The following GRIA2 variants were observed in gnomAD, a reference collection of about 807,000 sequenced individuals.
The protein encoded by GRIA2 is glutamate ionotropic receptor AMPA type subunit 2.
A neutral mutation model predicts 97.3 loss-of-function variants in GRIA2; 14 were observed. The observed-to-expected ratio is 0.14, with a 90% confidence interval of 0.10 to 0.23. The LOEUF is 0.23. Ranked by LOEUF, GRIA2 falls within the 10% of genes least tolerant of loss-of-function variation. The probability of loss-of-function intolerance (pLI) is 1.00; values close to 1 mark genes in which losing one functional copy is unlikely to be tolerated. For synonymous variants in GRIA2, 412 were observed against 387.8 expected, an observed-to-expected ratio of 1.06 and a Z score of -0.73; for missense variants, 558 against 1,069.8, an observed-to-expected ratio of 0.52 and a Z score of 6.67.
chr4:157,349,149 A>G (rs537326280), intron 12 of GRIA2, among the ~76,000 whole-genome samples: 1 of 152,278 alleles, frequency 6.6e-6, no homozygotes, highest in South Asian at 2.1e-4. Flanking sequence ...TACACTTTCC[A>G]TCTATGGCTT....
intron 12 of GRIA2, among the ~76,000 whole-genome samples, chr4:157,351,478 G>C (rs1736007911): frequency 6.6e-6 from 1 of 152,092 alleles, no homozygotes; most frequent in African/African-American, 2.4e-5. Flanking sequence ...CCATTCGTAA[G>C]GTAATGAGAA....
intron 2 of GRIA2, among the ~76,000 whole-genome samples, chr4:157,224,147 C>T (rs1192349713): frequency 2.0e-5 from 3 of 152,108 alleles, no homozygotes; most frequent in Non-Finnish European, 1.5e-5. Flanking sequence ...TCTTCATTTG[C>T]ACAGTTTTTT....
chr4:157,224,778 T>G (rs1291397364), intron 2 of GRIA2, among the ~76,000 whole-genome samples: 1 of 152,148 alleles, frequency 6.6e-6, no homozygotes, highest in South Asian at 2.1e-4. Context: ...GGGAAGTCTG[T>G]GATTCTTTCC....
At chr4:157,238,647 C>A (rs1198084488) in intron 2 of GRIA2, among the ~76,000 whole-genome samples, 1 of 152,024 alleles carries the variant, frequency 6.6e-6, no homozygotes, top group Non-Finnish European at 1.5e-5. Flanking sequence ...CTTCTTTTAT[C>A]CATTACAAAA....
chr4:157,283,421 A>T (rs954404966), intron 2 of GRIA2, among the ~76,000 whole-genome samples: 4 of 152,018 alleles, frequency 2.6e-5, no homozygotes, highest in African/African-American at 9.7e-5. Context: ...AAAGGAAATT[A>T]CCATAATTAA....
intron 4 of GRIA2, among the ~76,000 whole-genome samples, chr4:157,313,762 T>C (rs888330937): frequency 6.6e-6 from 1 of 151,886 alleles, no homozygotes; most frequent in Non-Finnish European, 1.5e-5. Context: ...TGTATACATA[T>C]GCATATATGT....
At chr4:157,341,864 A>AT (rs1380327012) in intron 12 of GRIA2, among the ~76,000 whole-genome samples, 3 of 152,116 alleles carry the variant, frequency 2.0e-5, no homozygotes, top group African/African-American at 4.8e-5. Context: ...ATTCAAACCA[A>AT]TTATGTTAAT....
At chr4:157,286,740 A>G (rs1254020634) in intron 2 of GRIA2, among the ~76,000 whole-genome samples, 5 of 151,532 alleles carry the variant, frequency 3.3e-5, no homozygotes, top group African/African-American at 1.2e-4. Context: ...AAACAAATCA[A>G]TACGATTATA....
intron 6 of GRIA2, among the ~76,000 whole-genome samples, chr4:157,326,768 A>ATT (rs1734820683): frequency 6.6e-6 from 1 of 152,210 alleles, no homozygotes; most frequent in African/African-American, 2.4e-5. Context: ...CATACTTTAG[A>ATT]ACTGTGTATG....
In GRIA2 at chr4:157,243,473, C is replaced by T. The variant is rs994486279; in HGVS notation, c.229+21666C>T. ...AGGGGAAATGAACACGCTTATTCTCCCCAATTCAAATTCATGGTGGCACAG... is the reference window on the plus strand; with the variant it reads ...AGGGGAAATGAACACGCTTATTCTCTCCAATTCAAATTCATGGTGGCACAG... On this transcript the variant is annotated intron_variant, in intron 2 of 15. Coordinates refer to ENST00000264426, the MANE Select transcript of GRIA2 (RefSeq NM_001083619.3). 3.9e-4 allele frequency among the ~76,000 whole-genome samples: 59 copies of T among 152,114 alleles called. 1 individual carries two copies. The highest frequency in any genetic ancestry group is 1.3e-3 in the African/African-American group (53 of 41,514).
chr4:157,350,703 G>A (rs1417950017), intron 12 of GRIA2, among the ~76,000 whole-genome samples: 1 of 151,890 alleles, frequency 6.6e-6, no homozygotes, highest in Non-Finnish European at 1.5e-5. Context: ...TTTGAAATTA[G>A]AATTCTGTTA....
chr4:157,306,350 T>A (rs1271865780), intron 3 of GRIA2, among the ~76,000 whole-genome samples: 1 of 152,170 alleles, frequency 6.6e-6, no homozygotes. Context: ...ACTTACGTAC[T>A]TGTGAAAAAA....
intron 6 of GRIA2, among the ~76,000 whole-genome samples, chr4:157,325,605 T>C (rs1734768795): frequency 6.6e-6 from 1 of 152,212 alleles, no homozygotes; most frequent in Non-Finnish European, 1.5e-5. Flanking sequence ...ACTAAACTTA[T>C]GATTTTCCTC....
At chr4:157,313,815 A>G (rs1433372397) in intron 4 of GRIA2, among the ~76,000 whole-genome samples, 1 of 152,032 alleles carries the variant, frequency 6.6e-6, no homozygotes, top group Non-Finnish European at 1.5e-5. Flanking sequence ...AGTTGACCCT[A>G]CCAATATCCT....
Position 157,361,107 on chromosome 4 carries a change from G to C in GRIA2, c.2389G>C (p.Gly797Arg). The change falls in exon 14 of 16, where the codon GGG (glycine) becomes CGG (arginine). Residue 797 changes from glycine to arginine, a missense_variant. Around this residue, in one of 8 missense-constraint regions of GRIA2, gnomAD observed 125 missense variants for 310.2 expected, o/e 0.40. Transcript: ENST00000264426. The surrounding 1 kb of genome is among the most constrained non-coding windows in gnomAD (Gnocchi z 5.2). ...WWYDKGECGS[G>R]GGDSKEKTSA... ...GTACGACAAAGGAGAGTGCGGCAGC[G>C]GGGGAGGTGATTCCAAGGTCAGCCC... 2 of 1,611,750 alleles carry C rather than the reference G, an allele frequency of 1.2e-6. No homozygotes were observed. Among genetic ancestry groups the C allele is most frequent in the Non-Finnish European group, 1.7e-6 (2 of 1,178,018 alleles).
chr4:157,286,726 C>T (rs1732862854), intron 2 of GRIA2, among the ~76,000 whole-genome samples: 1 of 151,398 alleles, frequency 6.6e-6, no homozygotes, highest in African/African-American at 2.4e-5. Flanking sequence ...ATTTTTATTT[C>T]AGGAAACAAA....
intron 12 of GRIA2, chr4:157,342,421 CAGAT>C (rs1735587519): frequency 1.0e-6 from 1 of 983,588 alleles, no homozygotes; most frequent in Non-Finnish European, 1.2e-6. Context: ...TGGCTAATAA[CAGAT>C]AGTAACTTGG....
At chr4:157,282,574 C>G (rs111763244) in intron 2 of GRIA2, among the ~76,000 whole-genome samples, 1 of 151,818 alleles carries the variant, frequency 6.6e-6, no homozygotes, top group Non-Finnish European at 1.5e-5. Flanking sequence ...ATGAGGCAGA[C>G]GGAGACAAAA....
chr4:157,309,134 T>C (rs560174161), intron 3 of GRIA2, among the ~76,000 whole-genome samples: 8 of 152,288 alleles, frequency 5.3e-5, no homozygotes, highest in African/African-American at 1.7e-4. Flanking sequence ...TTTAATATTA[T>C]TCAGTGTCTT....
Sources: allele counts gnomAD v4.1 joint callset (sites outside exome capture counted in the v4.1 genomes callset), GRCh38; gene constraint gnomAD v4.1.1; regional missense constraint gnomAD v4.1.1; non-coding constraint Gnocchi (gnomAD v3.1); transcripts MANE v1.5; gene names NCBI Gene and HGNC (gene_info 2026-07-23, HGNC 2026-07-21).